RMDN2: variants seen among roughly 807,000 people sequenced by gnomAD.
RMDN2 encodes the protein regulator of microtubule dynamics protein 2.
In RMDN2, 61 loss-of-function variants were observed where a neutral mutation model predicts 52.8. The observed-to-expected ratio is 1.16, with a 90% CI of 0.94 to 1.43. The LOEUF (loss-of-function observed/expected upper bound fraction) is 1.43. Ranked by LOEUF, RMDN2 falls within the 40% of genes most tolerant of loss-of-function variation. The pLI is 0.00. For missense variants in RMDN2, 592 were observed against 475.3 expected (o/e 1.25, Z -2.28); for synonymous variants, 180 against 153.1 (o/e 1.18, Z -1.30).
intron 2 of RMDN2, among the ~76,000 whole-genome samples, chr2:37,934,120 C>T (rs897616254): frequency 2.6e-5 from 4 of 151,954 alleles, no homozygotes; most frequent in South Asian, 2.1e-4. Flanking sequence ...GCAATAGGTA[C>T]CTGAAGATTT....
intron 10 of RMDN2, 52 bp from the exon 11 acceptor site, chr2:38,017,134 G>C: frequency 8.6e-7 from 1 of 1,162,830 alleles, no homozygotes; most frequent in Non-Finnish European, 1.2e-6. Context: ...GCATGCTAGA[G>C]TATCAAGATG....
At chr2:38,055,190 G>A (rs539848900) in intron 10 of RMDN2, among the ~76,000 whole-genome samples, 6 of 151,776 alleles carry the variant, frequency 4.0e-5, no homozygotes, top group East Asian at 2.0e-4. Context: ...TTGATGATCC[G>A]CCTAGTTTCA....
intron 1 of RMDN2, among the ~76,000 whole-genome samples, chr2:37,925,953 T>C (rs554542084): frequency 6.6e-6 from 1 of 152,280 alleles, no homozygotes; most frequent in African/African-American, 2.4e-5. Context: ...AGCCCTAAAT[T>C]TAAAATAAAT....
At chr2:37,951,754 C>A (rs550643620) in intron 2 of RMDN2, 10 of 1,612,984 alleles carry the variant, frequency 6.2e-6, no homozygotes, top group Non-Finnish European at 8.5e-6. Context: ...ATCTCTGCTC[C>A]TGAATATAAC....
intron 10 of RMDN2, among the ~76,000 whole-genome samples, chr2:38,052,073 A>G (rs561634155): frequency 6.6e-6 from 1 of 152,260 alleles, no homozygotes; most frequent in South Asian, 2.1e-4. Context: ...TTCCATTTTT[A>G]GTTTTTTGAG....
chr2:38,005,814 C>T (rs1172042270), intron 10 of RMDN2, among the ~76,000 whole-genome samples: 3 of 152,138 alleles, frequency 2.0e-5, no homozygotes, highest in Non-Finnish European at 4.4e-5. Context: ...TAAGTTTTCT[C>T]CTAGGGTTTT....
chr2:37,940,086 A>C (rs1387851232), intron 2 of RMDN2, among the ~76,000 whole-genome samples: 1 of 152,188 alleles, frequency 6.6e-6, no homozygotes, highest in African/African-American at 2.4e-5. Context: ...GGTGGTGACA[A>C]AATCCCTCAG....
intron 10 of RMDN2, among the ~76,000 whole-genome samples, chr2:38,040,176 C>G (rs923425419): frequency 6.6e-6 from 1 of 151,592 alleles, no homozygotes; most frequent in African/African-American, 2.4e-5. Flanking sequence ...GATCAGTTGA[C>G]TATATTTGTG....
At chr2:37,963,181 C>G (rs1169811162) in intron 2 of RMDN2, 1 of 152,238 alleles carries the variant, frequency 6.6e-6, no homozygotes, top group Non-Finnish European at 1.5e-5. Flanking sequence ...CATCTTTTTT[C>G]AAATCTAGGG....
chr2:37,948,931 A>G (rs1668462604), intron 2 of RMDN2, among the ~76,000 whole-genome samples: 1 of 152,204 alleles, frequency 6.6e-6, no homozygotes, highest in Admixed American at 6.5e-5. Context: ...CTCAGTGAGC[A>G]GATGCTTCTT....
chr2:37,932,002 A>G (rs553847325), intron 2 of RMDN2, among the ~76,000 whole-genome samples: 184 of 152,202 alleles, frequency 1.2e-3, no homozygotes, highest in Non-Finnish European at 2.1e-3. Flanking sequence ...AAAAGCAGAC[A>G]AACAGTTTGG....
chr2:38,004,933 G>A (rs146191482), intron 10 of RMDN2, among the ~76,000 whole-genome samples: 1,952 of 151,874 alleles, frequency 0.013, 48 homozygotes, highest in African/African-American at 0.044. Flanking sequence ...CCACCTATGA[G>A]TGACAACATG....
chr2:38,041,205 T>C (rs904038463), intron 10 of RMDN2, among the ~76,000 whole-genome samples: 1 of 152,096 alleles, frequency 6.6e-6, no homozygotes, highest in African/African-American at 2.4e-5. Context: ...AATGAGACAA[T>C]CAACACTAAG....
At chr2:37,997,364 C>A in intron 7 of RMDN2, 52 bp from the exon 8 acceptor site, 2 of 1,081,598 alleles carry the variant, frequency 1.8e-6, no homozygotes, top group Non-Finnish European at 2.9e-6. Flanking sequence ...GAGAGATAAT[C>A]CATTCAAAAG....
Position 37,952,375 on chromosome 2 carries a change from A to T in RMDN2, c.453-21665A>T, listed in dbSNP as rs558699972. On this transcript the variant is annotated intron_variant, in intron 2 of 10. Coordinates refer to ENST00000354545, the MANE Select transcript of RMDN2 (RefSeq NM_001170791.3). ...TGTAAATTTAATTGCTGTAGTTTTG[A>T]AAGTTAGTTTACTGATGTTATTGGA... is the stretch of plus-strand genomic sequence containing the variant. 7.2e-4 allele frequency: 437 copies of T among 608,512 alleles called. No individual in the cohort carries two copies. The African/African-American group carries it at 7.3e-3, about 10-fold the overall frequency. The allele number at this position is 608,512 out of a possible 1,614,324, so 37.7% of individuals were successfully genotyped here. A position where few individuals can be genotyped will look rare whatever the true frequency, so the allele number is the denominator to read the frequency against.
chr2:37,978,918 A>G (rs1672939708), intron 4 of RMDN2, among the ~76,000 whole-genome samples: 1 of 152,214 alleles, frequency 6.6e-6, no homozygotes, highest in African/African-American at 2.4e-5. Context: ...ACAGTTTGCC[A>G]TAGGTAAAAT....
At chr2:37,938,640 G>C (rs1667519524) in intron 2 of RMDN2, among the ~76,000 whole-genome samples, 1 of 152,130 alleles carries the variant, frequency 6.6e-6, no homozygotes, top group Admixed American at 6.5e-5. Flanking sequence ...TATGTGTCCA[G>C]GAATTTATCC....
downstream of RMDN2, among the ~76,000 whole-genome samples, chr2:38,021,153 C>A (rs916955895): frequency 3.3e-5 from 5 of 152,134 alleles, no homozygotes; most frequent in African/African-American, 1.2e-4. Flanking sequence ...CTTGGAGAAC[C>A]TTCATGTCCA....
downstream of RMDN2, among the ~76,000 whole-genome samples, chr2:38,020,468 GC>G (rs1009878070): frequency 5.3e-5 from 8 of 152,224 alleles, no homozygotes; most frequent in Non-Finnish European, 1.2e-4. Flanking sequence ...TCCTGAGCTG[GC>G]CAAGGCCGGA....
Sources: gnomAD v4.1 joint callset for allele counts (sites outside exome capture counted in the v4.1 genomes callset) on GRCh38, gnomAD v4.1.1 for gene constraint, MANE v1.5 for transcripts, NCBI Gene and HGNC (gene_info 2026-07-23, HGNC 2026-07-21) for gene names.